The following COA6 variants were observed in gnomAD, a reference collection of about 807,000 sequenced individuals.
COA6 encodes the protein cytochrome c oxidase assembly factor 6 homolog.
In COA6, 12 loss-of-function variants were observed where a neutral mutation model predicts 17.1. The observed-to-expected ratio is 0.70, with a 90% CI of 0.45 to 1.14. The LOEUF (loss-of-function observed/expected upper bound fraction) is 1.14. Ranked by LOEUF, COA6 falls within the 50% of genes most tolerant of loss-of-function variation. The probability of loss-of-function intolerance (pLI) is 0.00; values close to 1 mark genes in which losing one functional copy is unlikely to be tolerated. For synonymous variants in COA6, 90 were observed against 73.4 expected (o/e 1.23, Z -1.16); for missense variants, 246 against 196.5 (o/e 1.25, Z -1.51).
chr1:234,383,064 G>GAGGGAGGGAGGGAGGGAAGGGAGGGA (rs1170468585), intron 2 of COA6, among the ~76,000 whole-genome samples: 1 of 112,426 alleles, frequency 8.9e-6, no homozygotes, highest in Non-Finnish European at 1.9e-5. Context: ...GGGAGGGAGG[G>GAGGGAGGGAGGGAGGGAAGGGAGGGA]AGGGAAGGGA....
intron 2 of COA6, among the ~76,000 whole-genome samples, chr1:234,377,911 C>A (rs1241471816): frequency 6.6e-6 from 1 of 152,166 alleles, no homozygotes; most frequent in Non-Finnish European, 1.5e-5. Flanking sequence ...GGGGTGTGTA[C>A]CTATAAAACT....
Position 234,374,326 on chromosome 1 carries a change from A to G in COA6, c.309A>G (p.Leu103=), listed in dbSNP as rs1658721663. Residue 103 remains leucine, a synonymous_variant, in exon 2 of 3, where the codon TTA becomes TTG. Transcript: ENST00000366615. ...ACTGGAAGTGTTTAGATGAGAACTT[A>G]GAGGATGCTTCTCAATGCAAGAAGT... ...DEYWKCLDEN[L]EDASQCKKLR... 6.2e-7 allele frequency: 1 copy of G among 1,613,948 alleles called. No individual in the cohort carries two copies. The highest frequency in any genetic ancestry group is 8.5e-7 in the Non-Finnish European group (1 of 1,180,008).
Position 234,377,133 on chromosome 1 carries a change from T to TTTGTTGTTGTTG in COA6, c.372+2745_372+2756dup, listed in dbSNP as rs1553268495. 2.9e-5 allele frequency among the ~76,000 whole-genome samples: 2 copies of TTTGTTGTTGTTG among 69,572 alleles called. 1 individual carries two copies. Among genetic ancestry groups the TTTGTTGTTGTTG allele is most frequent in the African/African-American group, 1.8e-4 (2 of 10,920 alleles). 45.6% of individuals were successfully genotyped at this position (69,572 alleles called of 152,430 possible). A position where few individuals can be genotyped will look rare whatever the true frequency, so the allele number is the denominator to read the frequency against. On this transcript the variant is annotated intron_variant, in intron 2 of 2. Coordinates refer to ENST00000366615, the MANE Select transcript of COA6 (RefSeq NM_001206641.3). ...CTCTGTCTCCTCTTTTTTTGTTTTT[T>TTTGTTGTTGTTG]TTGTTGTTGTTGAGACAGAGTCTCA...
At chr1:234,378,128 ATTTATTAAAG>A (rs1658864404) in intron 2 of COA6, among the ~76,000 whole-genome samples, 1 of 152,330 alleles carries the variant, frequency 6.6e-6, no homozygotes, top group South Asian at 2.1e-4. Flanking sequence ...TAAAAAGCGT[ATTTATTAAAG>A]TTCAAGAACA....
chr1:234,377,926 C>T (rs1046446083), intron 2 of COA6, among the ~76,000 whole-genome samples: 1 of 152,198 alleles, frequency 6.6e-6, no homozygotes, highest in Non-Finnish European at 1.5e-5. Flanking sequence ...AAAACTCACC[C>T]GTAGAACCGC....
intron 1 of COA6, 132 bp downstream of exon 1, chr1:234,373,810 G>GC: frequency 6.2e-7 from 1 of 1,613,656 alleles, no homozygotes. Flanking sequence ...GGTGATTGTG[G>GC]CCCCCACACA....
At chr1:234,378,444 G>C (rs546827946) in intron 2 of COA6, among the ~76,000 whole-genome samples, 105 of 152,304 alleles carry the variant, frequency 6.9e-4, no homozygotes, top group Middle Eastern at 3.4e-3. Context: ...CAAGGGTACA[G>C]GTTTAAGTAG....
chr1:234,377,549 A>G (rs990312963), intron 2 of COA6, among the ~76,000 whole-genome samples: 3 of 151,994 alleles, frequency 2.0e-5, no homozygotes, highest in Non-Finnish European at 4.4e-5. Flanking sequence ...TCAACTTAGG[A>G]CCCGGGACCT....
At chr1:234,374,048 A>C (rs1316900961) in intron 1 of COA6, 182 bp from the exon 2 acceptor site, 1 of 869,498 alleles carries the variant, frequency 1.2e-6, no homozygotes, top group East Asian at 2.7e-5. Context: ...TTATGCTGCC[A>C]CTGAGAACTG....
At chr1:234,383,211 G>A (rs1659029549) in intron 2 of COA6, among the ~76,000 whole-genome samples, 1 of 152,118 alleles carries the variant, frequency 6.6e-6, no homozygotes, top group Admixed American at 6.5e-5. Context: ...CATTTCTTGA[G>A]AAGGTTCCTG....
intron 2 of COA6, among the ~76,000 whole-genome samples, chr1:234,377,117 C>T (rs1658827821): frequency 7.3e-5 from 3 of 41,358 alleles, no homozygotes; most frequent in African/African-American, 3.9e-4. Flanking sequence ...TCTCTGTCTC[C>T]TCTTTTTTTG....
intron 2 of COA6, among the ~76,000 whole-genome samples, chr1:234,381,502 A>T (rs192128061): frequency 2.5e-4 from 38 of 152,362 alleles, no homozygotes; most frequent in African/African-American, 9.1e-4. Context: ...CGCAGGGATG[A>T]AGCCATCAGT....
intron 2 of COA6, 117 bp downstream of exon 2, chr1:234,374,506 G>C: frequency 9.4e-7 from 1 of 1,059,392 alleles, no homozygotes; most frequent in Non-Finnish European, 1.4e-6. Flanking sequence ...TTTCTTTGAG[G>C]CGCAGAGAAA....
chr1:234,377,133 T>TTTTTTTTTTTTTTTG (rs60899682), intron 2 of COA6, among the ~76,000 whole-genome samples: 6 of 69,546 alleles, frequency 8.6e-5, no homozygotes, highest in African/African-American at 4.6e-4. Context: ...TTTTGTTTTT[T>TTTTTTTTTTTTTTTG]TTGTTGTTGT....
intron 2 of COA6, among the ~76,000 whole-genome samples, chr1:234,382,079 A>T (rs1242169233): frequency 1.3e-5 from 2 of 152,260 alleles, no homozygotes; most frequent in African/African-American, 4.8e-5. Context: ...AACTGTGGGC[A>T]TCTTACCAAC....
intron 2 of COA6, among the ~76,000 whole-genome samples, chr1:234,377,100 GA>G (rs1658826308): frequency 1.8e-4 from 9 of 50,360 alleles, no homozygotes; most frequent in Non-Finnish European, 2.5e-4. Context: ...GAGAGAGAGA[GA>G]TCCAGTCTCT....
At chr1:234,375,298 C>T (rs1379752219) in intron 2 of COA6, among the ~76,000 whole-genome samples, 3 of 152,154 alleles carry the variant, frequency 2.0e-5, no homozygotes, top group African/African-American at 7.2e-5. Flanking sequence ...CAGAGCGAGA[C>T]GTTGTTATTC....
chr1:234,374,794 C>G (rs1658740559), intron 2 of COA6, among the ~76,000 whole-genome samples: 1 of 151,900 alleles, frequency 6.6e-6, no homozygotes, highest in Non-Finnish European at 1.5e-5. Flanking sequence ...CATCATATAC[C>G]CAAAATATAA....
intron 2 of COA6, among the ~76,000 whole-genome samples, chr1:234,380,392 A>G (rs1658938716): frequency 6.6e-6 from 1 of 152,200 alleles, no homozygotes; most frequent in South Asian, 2.1e-4. Flanking sequence ...TGCTTTATAC[A>G]ATAGGAACTA....
Sources: allele counts gnomAD v4.1 joint callset (sites outside exome capture counted in the v4.1 genomes callset), GRCh38; gene constraint gnomAD v4.1.1; transcripts MANE v1.5; gene names NCBI Gene and HGNC (gene_info 2026-07-23, HGNC 2026-07-21).